The following HPS1 variants were observed in gnomAD, a reference collection of about 807,000 sequenced individuals.
The protein encoded by HPS1 is HPS1 biogenesis of lysosomal organelles complex 3 subunit 1, also known as BLOC-3 complex member HPS1.
HPS1 carries 59 observed loss-of-function variants against 90.6 expected under a neutral mutation model. That is an observed-to-expected ratio of 0.65 (90% confidence interval 0.53 to 0.81). The LOEUF (loss-of-function observed/expected upper bound fraction) is 0.81. HPS1 is among the 30% of genes least tolerant of loss of function. The pLI, the probability that HPS1 is intolerant of heterozygous loss-of-function variation, is 0.00. For missense variants in HPS1, 849 were observed against 896.7 expected (o/e 0.95, Z 0.68); for synonymous variants, 388 against 384.4 (o/e 1.01, Z -0.11).
chr10:98,429,857 G>A lies in HPS1; in HGVS notation c.801C>T (p.Asn267=), dbSNP rs147674242. 1 of 1,613,128 alleles carries A rather than the reference G, an allele frequency of 6.2e-7. No individual in the cohort carries two copies. The highest frequency in any genetic ancestry group is 1.3e-5 in the African/African-American group (1 of 74,958). Residue 267 remains asparagine, a synonymous_variant, in exon 9 of 20, where the codon AAC becomes AAT. Transcript: ENST00000361490. ...PSPRRARSSQ[N]IPVQQAWSPH... ...GGCTCCAGGCCTGCTGCACGGGGAT[G>A]TTCTGGCTGCTCCGGGCCCTCCGCG...
At chr10:98,436,859 C>A (rs773320190) in intron 3 of HPS1, among the ~76,000 whole-genome samples, 1 of 152,284 alleles carries the variant, frequency 6.6e-6, no homozygotes, top group Admixed American at 6.5e-5. Flanking sequence ...AACTGGCCAG[C>A]GGGAAGGTGC....
intron 10 of HPS1, 112 bp from the exon 11 acceptor site, chr10:98,427,376 G>A: frequency 1.1e-6 from 1 of 872,778 alleles, no homozygotes. Flanking sequence ...GCCCTTGGCT[G>A]CCAGCTCCAC....
chr10:98,429,557 T>C lies in HPS1; in HGVS notation c.937+16A>G. 6.2e-7 allele frequency: 1 copy of C among 1,614,190 alleles called. No individual in the cohort carries two copies. Among genetic ancestry groups the C allele is most frequent in the Non-Finnish European group, 8.5e-7 (1 of 1,180,030 alleles). Reference sequence around the variant, plus strand: ...CAGCTAGCTATTGTTTCCTCCTGCTTTCCTCCGGTCCTCACCTGAGCTCTG... The same window carrying C: ...CAGCTAGCTATTGTTTCCTCCTGCTCTCCTCCGGTCCTCACCTGAGCTCTG... On this transcript the variant is annotated intron_variant, in intron 10 of 19. Transcript: ENST00000361490.
At chr10:98,432,130 G>A (rs1340638871) in intron 6 of HPS1, among the ~76,000 whole-genome samples, 1 of 152,222 alleles carries the variant, frequency 6.6e-6, no homozygotes, top group Non-Finnish European at 1.5e-5. Context: ...GTGGACAAGA[G>A]AGGCATAAGA....
intron 13 of HPS1, 99 bp from the exon 14 acceptor site, chr10:98,424,473 CCCCCAGACAAAT>C (rs1845334848): frequency 9.6e-7 from 1 of 1,046,064 alleles, no homozygotes; most frequent in Non-Finnish European, 1.4e-6. Context: ...GGGCACAGGG[CCCCCAGACAAAT>C]CTGCCCTTCT....
rs1340753179 is a variant in HPS1 at position 98,429,660 on chromosome 10, G to A, written c.868-18C>T. ...TCTGTCTCCTGGAATGGAGAAGGTG[G>A]CTCAGGTTGAGAGGCTCTCCCAGCT... On this transcript the variant is annotated intron_variant, in intron 9 of 19. Transcript: ENST00000361490. The A allele has an allele frequency of 6.2e-7, 1 of 1,614,142 alleles. No homozygotes were observed. The highest frequency in any genetic ancestry group is 1.7e-5 in the Admixed American group (1 of 60,026).
In HPS1 at chr10:98,431,131, C is replaced by T. The variant is rs776526833; in HGVS notation, c.668G>A (p.Ser223Asn). 6.2e-7 allele frequency: 1 copy of T among 1,614,026 alleles called. No homozygotes were observed. Among genetic ancestry groups the T allele is most frequent in the South Asian group, 1.1e-5 (1 of 91,054 alleles). Reference protein sequence around the residue: ...VHSKLLAFYSSHSASSLRPAD... With the variant: ...VHSKLLAFYSNHSASSLRPAD... ...ACCACATGCCAGACCTTGAGCTCACCTAGAGTAGAATGCCAGCAGCTTGGA... is the reference window on the plus strand; with the variant it reads ...ACCACATGCCAGACCTTGAGCTCACTTAGAGTAGAATGCCAGCAGCTTGGA... The change falls in exon 7 of 20, where the codon AGC (serine) becomes AAC (asparagine). Residue 223 changes from serine (S) to asparagine (N), a missense_variant and splice_region_variant. Coordinates refer to ENST00000361490, the MANE Select transcript of HPS1 (RefSeq NM_000195.5).
chr10:98,427,246 T>C lies in HPS1; in HGVS notation c.956A>G (p.Glu319Gly). 1 of 1,551,130 alleles carries C rather than the reference T, an allele frequency of 6.4e-7. No individual in the cohort carries two copies. Among genetic ancestry groups the C allele is most frequent in the South Asian group, 1.2e-5 (1 of 84,054 alleles). Reference protein sequence around the residue: ...DQSSGSTIWLEGGTPPMDALQ... With the variant: ...DQSSGSTIWLGGGTPPMDALQ... ...GGCATCCATGGGGGGGGTGCCCCCC[T>C]CCAGCCAGATGGTGCTACCTGCAGG... The change falls in exon 11 of 20, where the codon GAG becomes GGG. Residue 319 changes from glutamate to glycine, a missense_variant. Coordinates refer to ENST00000361490, the MANE Select transcript of HPS1 (RefSeq NM_000195.5).
intron 3 of HPS1, among the ~76,000 whole-genome samples, chr10:98,436,054 G>C (rs1463433336): frequency 6.6e-6 from 1 of 152,166 alleles, no homozygotes; most frequent in Non-Finnish European, 1.5e-5. Flanking sequence ...GTGGAATGTG[G>C]GGAGCACTGA....
intron 11 of HPS1, 96 bp downstream of exon 11, chr10:98,427,119 G>A: frequency 9.5e-7 from 1 of 1,050,062 alleles, no homozygotes; most frequent in Non-Finnish European, 1.4e-6. Flanking sequence ...GCTGGCACGG[G>A]TAGAGTCACC....
rs201728087 is a variant in HPS1, at chr10:98,425,590, C to G, written c.1286G>C (p.Arg429Pro). 3 of 1,613,734 alleles carry G rather than the reference C, an allele frequency of 1.9e-6. No homozygotes were observed. The highest frequency in any genetic ancestry group is 2.5e-6 in the Non-Finnish European group (3 of 1,179,902). ...CTTGACAAACTTGTCCATCCTCTGG[C>G]GCAGGTCTCCCACGAGGGGCTGGGA... is the stretch of plus-strand genomic sequence containing the variant. ...LRSQPLVGDL[R>P]QRMDKFVKNR... The change falls in exon 13 of 20, where the codon CGC becomes CCC. Residue 429 changes from arginine (R) to proline (P), a missense_variant. Arg to Pro is a moderately radical substitution (Grantham distance 103, BLOSUM62 -2). Transcript: ENST00000361490.
rs540080823 is a variant in HPS1, at chr10:98,429,453, G to A, written c.937+120C>T. On this transcript the variant is annotated intron_variant, in intron 10 of 19. Transcript: ENST00000361490. ...ACAGCGTCCTGTGCTCTAGGAACACGGGTACCTGCACTCAAGCCTTAGGAG... is the reference window on the plus strand; with the variant it reads ...ACAGCGTCCTGTGCTCTAGGAACACAGGTACCTGCACTCAAGCCTTAGGAG... 2,894 of 1,578,506 alleles carry A rather than the reference G, an allele frequency of 1.8e-3. 3 individuals are homozygous for A. The highest frequency in any genetic ancestry group is 2.3e-3 in the Non-Finnish European group (2,670 of 1,161,152).
chr10:98,446,754 C>CGGAGTGGGTGAGGCTA (rs1267417531), intron 1 of HPS1, 53 bp downstream of exon 1: 2 of 152,390 alleles, frequency 1.3e-5, no homozygotes, highest in Non-Finnish European at 2.9e-5. Flanking sequence ...GCCACACGCC[C>CGGAGTGGGTGAGGCTA]GGAGTGGGTG....
intron 19 of HPS1, 137 bp downstream of exon 19, chr10:98,418,038 G>A (rs1844335700): frequency 4.3e-6 from 3 of 691,688 alleles, no homozygotes; most frequent in Non-Finnish European, 7.8e-6. Flanking sequence ...CACAGGGCCA[G>A]CCGGGAAGGT....
chr10:98,415,479 C>T (rs1267675331), downstream of HPS1, among the ~76,000 whole-genome samples: 3 of 152,222 alleles, frequency 2.0e-5, no homozygotes, highest in Admixed American at 1.3e-4. Context: ...GCTGAGGCTG[C>T]GGGGTTAGGG....
intron 5 of HPS1, among the ~76,000 whole-genome samples, chr10:98,434,474 G>C (rs986478601): frequency 5.3e-5 from 8 of 149,846 alleles, no homozygotes; most frequent in Non-Finnish European, 8.9e-5. Context: ...TGCTGGCAAC[G>C]TCTGCACTGG....
downstream of HPS1, chr10:98,414,907 G>GA (rs542754505): frequency 3.9e-4 from 587 of 1,497,372 alleles, 3 homozygotes; most frequent in African/African-American, 6.5e-3. Flanking sequence ...TGCCAGAGGA[G>GA]AGAGCAGTGG....
rs2296433 is a variant in HPS1 at position 98,424,305 on chromosome 10, C to A, written c.1397+8G>T. 392,386 of 1,605,012 alleles carry A rather than the reference C, an allele frequency of 0.24. 51,037 individuals carry two copies. Among genetic ancestry groups the A allele is most frequent in the South Asian group, 0.4 (36,369 of 90,054 alleles). On this transcript the variant is annotated splice_region_variant and intron_variant, in intron 14 of 19. Coordinates refer to ENST00000361490, the MANE Select transcript of HPS1 (RefSeq NM_000195.5). Reference sequence around the variant, plus strand: ...GACCCACCCCTTGTCCTGAGGCCCACCACTCACTCCCAGGAGGATCCGGGC... The same window carrying A: ...GACCCACCCCTTGTCCTGAGGCCCAACACTCACTCCCAGGAGGATCCGGGC...
chr10:98,418,278 G>A, intron 18 of HPS1, 21 bp from the exon 19 acceptor site: 1 of 1,507,460 alleles, frequency 6.6e-7, no homozygotes, highest in Non-Finnish European at 9.2e-7. Context: ...AGGACAGGGA[G>A]GCAGTGGGTG....
Sources: gnomAD v4.1 joint callset for allele counts (sites outside exome capture counted in the v4.1 genomes callset) on GRCh38, gnomAD v4.1.1 for gene constraint, MANE v1.5 for transcripts, NCBI Gene and HGNC (gene_info 2026-07-23, HGNC 2026-07-21) for gene names.